MYOF: variants seen among roughly 807,000 people sequenced by gnomAD.
MYOF encodes myoferlin.
Under a neutral mutation model 284.2 loss-of-function variants are expected in MYOF, and 244 were observed. The ratio of observed to expected loss-of-function variants is 0.86; its 90% CI spans 0.77 to 0.95. The LOEUF (loss-of-function observed/expected upper bound fraction) is 0.95. MYOF is among the 40% of genes least tolerant of loss of function. MYOF has a pLI of 0.00. For synonymous variants in MYOF, 904 were observed against 919.7 expected, an observed-to-expected ratio of 0.98 and a Z score of 0.31; for missense variants, 2,496 against 2,560.6, an observed-to-expected ratio of 0.97 and a Z score of 0.54.
At chr10:93,416,925 A>G (rs1848153573) in intron 5 of MYOF, among the ~76,000 whole-genome samples, 1 of 152,180 alleles carries the variant, frequency 6.6e-6, no homozygotes, top group Non-Finnish European at 1.5e-5. Context: ...ATAGAATCAT[A>G]GAACTTCGGA....
intron 53 of MYOF, 116 bp downstream of exon 53, chr10:93,309,904 C>T: frequency 2.3e-6 from 3 of 1,291,254 alleles, no homozygotes; most frequent in Non-Finnish European, 3.2e-6. Flanking sequence ...AGGGTTACAA[C>T]CCCATGCTGC....
chr10:93,427,650 T>C (rs927780384), intron 4 of MYOF, among the ~76,000 whole-genome samples: 2 of 149,740 alleles, frequency 1.3e-5, no homozygotes, highest in African/African-American at 4.9e-5. Context: ...ATGCAAACCA[T>C]AAAGTTAAAT....
rs764389773 is a variant in MYOF at position 93,316,702 on chromosome 10, TG to T, written c.5698+11del. ...AGTTTCTTAGAAACAATGATCCAAA[TG>T]TAAGCCCTACCCAAGTAGTCATCCA... On this transcript the variant is annotated intron_variant, in intron 50 of 53. Coordinates refer to ENST00000359263, the MANE Select transcript of MYOF (RefSeq NM_013451.4). The T allele has an allele frequency of 6.3e-7, 1 of 1,594,482 alleles. No homozygotes were observed. The highest frequency in any genetic ancestry group is 8.6e-7 in the Non-Finnish European group (1 of 1,162,350).
chr10:93,377,857 G>GAA (rs1346175036), intron 21 of MYOF, among the ~76,000 whole-genome samples: 2 of 152,202 alleles, frequency 1.3e-5, no homozygotes, highest in African/African-American at 2.4e-5. Flanking sequence ...AAGAAAGTTA[G>GAA]AGACATAGAA....
At chr10:93,388,881 A>T in intron 18 of MYOF, 149 bp downstream of exon 18, 1 of 1,048,482 alleles carries the variant, frequency 9.5e-7, no homozygotes, top group Non-Finnish European at 1.3e-6. Flanking sequence ...TCCCCCAGTG[A>T]GATGATCTCC....
chr10:93,470,522 T>G (rs942882492), intron 1 of MYOF, among the ~76,000 whole-genome samples: 1 of 151,084 alleles, frequency 6.6e-6, no homozygotes, highest in African/African-American at 2.4e-5. Context: ...TGCCTCAGCC[T>G]CCCAAGTAGC....
rs759608010 is a variant in MYOF, at chr10:93,328,787, G to A, written c.5107C>T (p.Arg1703Ter). The A allele has an allele frequency of 6.1e-5, 99 of 1,612,498 alleles. 2 individuals carry two copies. In the Admixed American group the frequency reaches 1.1e-3, roughly 18 times the overall value. Residue 1703 changes from arginine to a stop codon, truncating the protein, a stop_gained, in exon 45 of 54, where the codon CGA (arginine) becomes TGA (stop). Transcript: ENST00000359263. LOFTEE classifies it high-confidence loss of function. ...CCAAATTCATCCAAGCTGTAGTCTCGTCCTCCATATCTGATTCTACTCCCA... is the reference window on the plus strand; with the variant it reads ...CCAAATTCATCCAAGCTGTAGTCTCATCCTCCATATCTGATTCTACTCCCA... ...EDGSRIRYGGRDYSLDEFEAN... is the reference protein window; with the variant it reads ...EDGSRIRYGG
At chr10:93,318,873 A>G (rs986528812) in intron 49 of MYOF, among the ~76,000 whole-genome samples, 1 of 152,104 alleles carries the variant, frequency 6.6e-6, no homozygotes, top group South Asian at 2.1e-4. Context: ...GTGTGGGGAG[A>G]GGAGGAAGCT....
intron 32 of MYOF, 130 bp from the exon 33 acceptor site, chr10:93,351,976 G>T: frequency 1.2e-6 from 1 of 831,692 alleles, no homozygotes. Context: ...CTGGAGATAG[G>T]GTTTCTAGGG....
At chr10:93,379,815 A>G (rs760544434) in intron 21 of MYOF, 48 bp downstream of exon 21, 1 of 1,608,416 alleles carries the variant, frequency 6.2e-7, no homozygotes, top group Admixed American at 1.7e-5. Flanking sequence ...CCTAATACCT[A>G]ATTCACCCTG....
chr10:93,351,159 C>G (rs368613009), intron 35 of MYOF, 38 bp downstream of exon 35: 7 of 1,584,526 alleles, frequency 4.4e-6, no homozygotes, highest in Non-Finnish European at 6.1e-6. Context: ...CAGTCACATC[C>G]GTTTGATTTG....
At chr10:93,433,979 C>T (rs1019333690) in intron 3 of MYOF, among the ~76,000 whole-genome samples, 4 of 152,106 alleles carry the variant, frequency 2.6e-5, no homozygotes, top group Non-Finnish European at 5.9e-5. Context: ...TGCACAAGAC[C>T]AGGAAATTGC....
chr10:93,320,125 TG>T lies in MYOF; in HGVS notation c.5457-113del, dbSNP rs1393665663. On this transcript the variant is annotated intron_variant, in intron 48 of 53. Coordinates refer to ENST00000359263, the MANE Select transcript of MYOF (RefSeq NM_013451.4). ...AGCAGGAGAATTAATGCACTTTTCT[TG>T]GGCAGATTCCAGTTATCTTCGGAGC... The T allele has an allele frequency of 2.3e-6, 3 of 1,294,456 alleles. No individual in the cohort carries two copies. The Admixed American group carries it at 5.9e-5, about 26-fold the overall frequency. 80.2% of individuals were successfully genotyped at this position (1,294,456 alleles called of 1,614,324 possible).
intron 19 of MYOF, among the ~76,000 whole-genome samples, chr10:93,382,823 G>A (rs771451899): frequency 6.6e-6 from 1 of 152,192 alleles, no homozygotes; most frequent in Non-Finnish European, 1.5e-5. Context: ...TCCGCATCCT[G>A]TGTCTATTCT....
At chr10:93,382,228 A>AT (rs894807051) in intron 19 of MYOF, among the ~76,000 whole-genome samples, 8 of 151,086 alleles carry the variant, frequency 5.3e-5, no homozygotes, top group African/African-American at 1.7e-4. Context: ...TGAAGCATTA[A>AT]TTTTTTTTTC....
intron 4 of MYOF, among the ~76,000 whole-genome samples, chr10:93,427,012 G>A (rs1002895666): frequency 2.8e-5 from 4 of 145,276 alleles, no homozygotes; most frequent in Admixed American, 1.4e-4. Context: ...TCAGCCTCCC[G>A]AATGGCTGGG....
chr10:93,439,054 G>T (rs1459114363), intron 3 of MYOF, among the ~76,000 whole-genome samples: 2 of 152,238 alleles, frequency 1.3e-5, no homozygotes, highest in Admixed American at 6.5e-5. Context: ...CCACGCCCTG[G>T]TTTTGGAATC....
intron 4 of MYOF, among the ~76,000 whole-genome samples, chr10:93,426,367 C>G (rs907925219): frequency 6.6e-6 from 1 of 152,058 alleles, no homozygotes; most frequent in East Asian, 1.9e-4. Flanking sequence ...GAAGTAGCTC[C>G]CTGTCACAGG....
Position 93,310,079 on chromosome 10 carries a change from C to A in MYOF, c.6088G>T (p.Gly2030Cys), listed in dbSNP as rs369733924. 2 of 1,613,920 alleles carry A rather than the reference C, an allele frequency of 1.2e-6. No homozygotes were observed. Among genetic ancestry groups the A allele is most frequent in the Non-Finnish European group, 1.7e-6 (2 of 1,180,014 alleles). The stretch of plus-strand genomic sequence containing the variant: ...AGCAGGATAAGCAGGAACAGCAAGC[C>A]GATGATGACCCACTTAAAGCGGCGC... ...VWRRFKWVII[G>C]LLFLLILLLF... Residue 2030 changes from glycine (G) to cysteine (C), a missense_variant, in exon 53 of 54, where the codon GGC becomes TGC. Gly to Cys is a radical substitution (Grantham distance 159, BLOSUM62 -3). Coordinates refer to ENST00000359263, the MANE Select transcript of MYOF (RefSeq NM_013451.4).
Sources: gnomAD v4.1 joint callset for allele counts (sites outside exome capture counted in the v4.1 genomes callset) on GRCh38, gnomAD v4.1.1 for gene constraint, MANE v1.5 for transcripts, NCBI Gene and HGNC (gene_info 2026-07-23, HGNC 2026-07-21) for gene names.